Variants in NCAM1 observed in about 807,000 individuals in gnomAD.
NCAM1 encodes antigen recognized by monoclonal antibody 5.1H11.
Under a neutral mutation model 109.8 loss-of-function variants are expected in NCAM1, and 14 were observed. The ratio of observed to expected loss-of-function variants is 0.13; its 90% CI spans 0.08 to 0.20. The LOEUF (loss-of-function observed/expected upper bound fraction) is 0.20, where lower values mean the gene tolerates loss of function less well. NCAM1 is among the 10% of genes least tolerant of loss of function. NCAM1 has a pLI of 1.00. For synonymous variants in NCAM1, 418 were observed against 442.9 expected (o/e 0.94, Z 0.70); for missense variants, 774 against 1,109.9 (o/e 0.70, Z 4.30).
intron 1 of NCAM1, among the ~76,000 whole-genome samples, chr11:113,195,322 A>G (rs1236794617): frequency 6.6e-6 from 1 of 152,108 alleles, no homozygotes; most frequent in Non-Finnish European, 1.5e-5. Flanking sequence ...AAAACGAGAT[A>G]CATTTACTTA....
At chr11:112,974,258 T>C (rs1480714713) in intron 1 of NCAM1, among the ~76,000 whole-genome samples, 1 of 152,122 alleles carries the variant, frequency 6.6e-6, no homozygotes, top group Non-Finnish European at 1.5e-5. Flanking sequence ...GTTCATAACA[T>C]TTCTCTTGCT....
At chr11:113,231,571 A>T in intron 9 of NCAM1, 74 bp from the exon 10 acceptor site, 1 of 1,456,366 alleles carries the variant, frequency 6.9e-7, no homozygotes, top group Non-Finnish European at 9.4e-7. Flanking sequence ...CCCAGCCCCC[A>T]TCCTGCCATA....
intron 1 of NCAM1, among the ~76,000 whole-genome samples, chr11:113,150,410 T>C (rs1555102244): frequency 6.6e-6 from 1 of 152,214 alleles, no homozygotes; most frequent in African/African-American, 2.4e-5. Context: ...TTCGTATGCA[T>C]GCCTCTCTGA....
intron 1 of NCAM1, among the ~76,000 whole-genome samples, chr11:113,145,173 A>C (rs1555101111): frequency 6.6e-6 from 1 of 152,252 alleles, no homozygotes; most frequent in East Asian, 1.9e-4. Context: ...GACCCCAGAA[A>C]TGCCAATAGC....
At chr11:113,155,412 G>C (rs1555103281) in intron 1 of NCAM1, among the ~76,000 whole-genome samples, 1 of 151,870 alleles carries the variant, frequency 6.6e-6, no homozygotes, top group African/African-American at 2.4e-5. Context: ...AGGAGGCTGA[G>C]ACAGGAGAAT....
rs555958829 is a variant in NCAM1, at chr11:113,228,535, C to G, written c.1090-3110C>G. Among the ~76,000 whole-genome samples, 65 of 152,202 alleles carry G rather than the reference C, an allele frequency of 4.3e-4. No homozygotes were observed. In the South Asian group the frequency reaches 5.4e-3, roughly 13 times the overall value. ...GGTAATTTATAGATTCAATGCCATC[C>G]CCATCAAGCTACCAATGACTTTCTT... On this transcript the variant is annotated intron_variant, in intron 9 of 19. Coordinates refer to ENST00000316851, the MANE Select transcript of NCAM1 (RefSeq NM_181351.5).
At chr11:113,176,842 A>T (rs1279709775) in intron 1 of NCAM1, among the ~76,000 whole-genome samples, 1 of 152,204 alleles carries the variant, frequency 6.6e-6, no homozygotes, top group African/African-American at 2.4e-5. Flanking sequence ...CCACTGTACC[A>T]TAAAAAAATA....
At chr11:112,990,126 G>C (rs1031337315) in intron 1 of NCAM1, among the ~76,000 whole-genome samples, 3 of 152,200 alleles carry the variant, frequency 2.0e-5, no homozygotes, top group African/African-American at 7.2e-5. Context: ...GGACTGGACT[G>C]TCTCCAGGAC....
At chr11:113,156,616 AAG>A in intron 1 of NCAM1, among the ~76,000 whole-genome samples, 1 of 152,310 alleles carries the variant, frequency 6.6e-6, no homozygotes, top group Non-Finnish European at 1.5e-5. Context: ...GTGAAAAGAA[AAG>A]AGAAAGCAAT....
chr11:113,085,667 A>G (rs1939048686), intron 1 of NCAM1, among the ~76,000 whole-genome samples: 1 of 151,970 alleles, frequency 6.6e-6, no homozygotes, highest in Admixed American at 6.6e-5. Flanking sequence ...ACCATTTACC[A>G]CAGGCTTCGG....
chr11:113,015,349 A>G (rs1410986107), intron 1 of NCAM1, among the ~76,000 whole-genome samples: 2 of 152,162 alleles, frequency 1.3e-5, no homozygotes, highest in East Asian at 3.8e-4. Context: ...AGAGCTTTGG[A>G]CATAGACCTG....
At chr11:113,040,905 C>T (rs1034753352) in intron 1 of NCAM1, 30 of 152,306 alleles carry the variant, frequency 2.0e-4, no homozygotes, top group African/African-American at 7.0e-4. Flanking sequence ...TATTCCTACT[C>T]ATATTATTCT....
chr11:112,994,725 AG>A (rs534105134), intron 1 of NCAM1, among the ~76,000 whole-genome samples: 2 of 152,176 alleles, frequency 1.3e-5, no homozygotes, highest in Non-Finnish European at 2.9e-5. Flanking sequence ...TGGTTTCTGC[AG>A]GGCAGGTCAG....
At chr11:113,268,137 T>G (rs1946177798) in intron 17 of NCAM1, among the ~76,000 whole-genome samples, 1 of 152,214 alleles carries the variant, frequency 6.6e-6, no homozygotes, top group Admixed American at 6.5e-5. Context: ...GAAACAGCTA[T>G]GGGATCCTGA....
chr11:113,044,722 G>C (rs1334528274), intron 1 of NCAM1, among the ~76,000 whole-genome samples: 1 of 151,530 alleles, frequency 6.6e-6, no homozygotes, highest in Non-Finnish European at 1.5e-5. Context: ...GTAGACCCTA[G>C]CAATGAAATG....
chr11:113,025,723 A>C (rs1253953387), intron 1 of NCAM1, among the ~76,000 whole-genome samples: 3 of 150,830 alleles, frequency 2.0e-5, no homozygotes, highest in African/African-American at 4.9e-5. Flanking sequence ...ATCTCACAAA[A>C]AAAAAAAAAA....
At chr11:113,124,816 G>A (rs1941113638) in intron 1 of NCAM1, among the ~76,000 whole-genome samples, 1 of 152,098 alleles carries the variant, frequency 6.6e-6, no homozygotes, top group South Asian at 2.1e-4. Flanking sequence ...GATTACTCCG[G>A]GTCTGGCAAA....
intron 1 of NCAM1, among the ~76,000 whole-genome samples, chr11:113,153,113 G>T (rs1942287923): frequency 6.6e-6 from 1 of 151,872 alleles, no homozygotes; most frequent in Non-Finnish European, 1.5e-5. Flanking sequence ...TGCATTCTTG[G>T]TTCACTGCAA....
intron 1 of NCAM1, among the ~76,000 whole-genome samples, chr11:113,147,681 G>A (rs1324377711): frequency 2.0e-5 from 3 of 152,158 alleles, no homozygotes; most frequent in Admixed American, 2.0e-4. Context: ...CTACAAATAC[G>A]TAACACAGCC....
Sources: gnomAD v4.1 joint callset for allele counts (sites outside exome capture counted in the v4.1 genomes callset) on GRCh38, gnomAD v4.1.1 for gene constraint, MANE v1.5 for transcripts, NCBI Gene and HGNC (gene_info 2026-07-23, HGNC 2026-07-21) for gene names.